HIPK2: variants seen among roughly 807,000 people sequenced by gnomAD.
HIPK2 encodes the protein homeodomain-interacting protein kinase 2.
A neutral mutation model predicts 113.7 loss-of-function variants in HIPK2; 27 were observed. The ratio of observed to expected loss-of-function variants is 0.24; its 90% confidence interval spans 0.17 to 0.33. HIPK2 has a LOEUF of 0.33. Among genes scored for constraint, HIPK2 ranks in the 10% least tolerant of loss-of-function variants. HIPK2 has a pLI of 1.00. For missense variants in HIPK2, 1,257 were observed against 1,588.0 expected (o/e 0.79, Z 3.54); for synonymous variants, 631 against 642.2 (o/e 0.98, Z 0.26).
rs369338814 is a variant in HIPK2 at position 139,685,818 on chromosome 7, TG to T, written c.1103+30113del. On this transcript the variant is annotated intron_variant, in intron 2 of 14. Coordinates refer to ENST00000406875, the MANE Select transcript of HIPK2 (RefSeq NM_022740.5). Reference sequence around the variant, plus strand: ...AAAAAGATTTCTTTCAAGATATGACTGCTCATTGACAATGTACCTAGTCACC... The same window carrying T: ...AAAAAGATTTCTTTCAAGATATGACTCTCATTGACAATGTACCTAGTCACC... Among the ~76,000 whole-genome samples, 333 of 152,362 alleles carry T rather than the reference TG, an allele frequency of 2.2e-3. 4 individuals carry two copies. The highest frequency in any genetic ancestry group is 7.6e-3 in the African/African-American group (316 of 41,580).
chr7:139,725,928 C>T (rs537483703), intron 1 of HIPK2, among the ~76,000 whole-genome samples: 14 of 152,316 alleles, frequency 9.2e-5, no homozygotes, highest in African/African-American at 3.1e-4. Context: ...TCTCAGACTA[C>T]AATCACCAAA....
intron 13 of HIPK2, among the ~76,000 whole-genome samples, chr7:139,582,221 T>G (rs987916543): frequency 9.2e-5 from 14 of 152,234 alleles, no homozygotes; most frequent in Admixed American, 9.2e-4. Flanking sequence ...TGCCTAATTT[T>G]GGGAGGGCTC....
chr7:139,660,865 G>A (rs1801843775), intron 2 of HIPK2, among the ~76,000 whole-genome samples: 1 of 152,322 alleles, frequency 6.6e-6, no homozygotes, highest in Admixed American at 6.5e-5. Context: ...GAGATAGGAA[G>A]TGGTATGAGC....
intron 6 of HIPK2, among the ~76,000 whole-genome samples, chr7:139,624,674 C>T (rs1800363285): frequency 6.6e-6 from 1 of 152,218 alleles, no homozygotes; most frequent in Non-Finnish European, 1.5e-5. Flanking sequence ...CCCCTCCCAT[C>T]TTCACTTCCT....
chr7:139,738,478 G>A (rs941441399), intron 1 of HIPK2, among the ~76,000 whole-genome samples: 2 of 152,226 alleles, frequency 1.3e-5, no homozygotes, highest in African/African-American at 4.8e-5. Context: ...AATTTAAATA[G>A]CTACTTGTGG....
Position 139,716,339 on chromosome 7 carries a change from G to T in HIPK2, c.696C>A (p.Asn232Lys). Residue 232 changes from asparagine (N) to lysine (K), a missense_variant, in exon 2 of 15, where the codon AAC becomes AAA. This residue lies in a region of HIPK2 where 78 missense variants were observed against 145.7 expected (regional missense o/e 0.54). Coordinates refer to ENST00000406875, the MANE Select transcript of HIPK2 (RefSeq NM_022740.5). The surrounding 1 kb of genome is among the most constrained non-coding windows in gnomAD (Gnocchi z 9.3). The part of the protein sequence containing the change: ...NEIVAIKILK[N>K]HPSYARQGQI... The stretch of plus-strand genomic sequence containing the variant: ...GACCTTGTCGGGCATAGGATGGGTG[G>T]TTCTTCAGGATCTTGATGGCTACGA... 2 of 1,614,176 alleles carry T rather than the reference G, an allele frequency of 1.2e-6. No homozygotes were observed.
chr7:139,581,125 C>A (rs927644973), intron 13 of HIPK2, among the ~76,000 whole-genome samples: 2 of 152,184 alleles, frequency 1.3e-5, no homozygotes, highest in African/African-American at 4.8e-5. Context: ...GAGGCTGAGA[C>A]AGCAGAATTG....
At chr7:139,600,328 G>C (rs1404614486) in intron 11 of HIPK2, 89 bp downstream of exon 11, 58 of 1,421,544 alleles carry the variant, frequency 4.1e-5, no homozygotes, top group Non-Finnish European at 5.3e-5. Flanking sequence ...CCCATGTTCA[G>C]AGTGGGTGCT....
At chr7:139,576,799 T>G (rs1798507646) in intron 13 of HIPK2, among the ~76,000 whole-genome samples, 3 of 152,226 alleles carry the variant, frequency 2.0e-5, no homozygotes, top group Admixed American at 2.0e-4. Flanking sequence ...GGACAGGGCA[T>G]GAGTGTCCAG....
In HIPK2 at chr7:139,600,570, T is replaced by C; in HGVS notation, c.2282A>G (p.Tyr761Cys). The stretch of plus-strand genomic sequence containing the variant: ...TGCAGGCTGCTGCATGATGGGATTA[T>C]AATGGCTTCCGTGAGCATGCGTATT... ...WRNTHAHGSH[Y>C]NPIMQQPALL... is the part of the protein sequence containing the mutation. Residue 761 changes from tyrosine to cysteine, a missense_variant, in exon 11 of 15, where the codon TAT becomes TGT. Tyr to Cys is a radical substitution (Grantham distance 194). This residue lies in a region of HIPK2 where 862 missense variants were observed against 1,004.3 expected (regional missense o/e 0.86). Coordinates refer to ENST00000406875, the MANE Select transcript of HIPK2 (RefSeq NM_022740.5). The C allele has an allele frequency of 6.2e-7, 1 of 1,613,996 alleles. No individual in the cohort carries two copies. The highest frequency in any genetic ancestry group is 8.5e-7 in the Non-Finnish European group (1 of 1,179,860).
intron 2 of HIPK2, among the ~76,000 whole-genome samples, chr7:139,665,343 G>A (rs1469137696): frequency 2.0e-5 from 3 of 152,080 alleles, no homozygotes; most frequent in Non-Finnish European, 2.9e-5. Context: ...CCAGAAGGGC[G>A]GACCTGAAAC....
At chr7:139,721,845 T>C (rs1365806247) in intron 1 of HIPK2, among the ~76,000 whole-genome samples, 1 of 151,880 alleles carries the variant, frequency 6.6e-6, no homozygotes, top group East Asian at 1.9e-4. Context: ...AAATCTGCCA[T>C]AACCACACCT....
At chr7:139,742,053 A>G (rs898147126) in intron 1 of HIPK2, among the ~76,000 whole-genome samples, 1 of 152,200 alleles carries the variant, frequency 6.6e-6, no homozygotes, top group Non-Finnish European at 1.5e-5. Flanking sequence ...ATTCAAACAC[A>G]TGTCAGTATG....
intron 9 of HIPK2, among the ~76,000 whole-genome samples, chr7:139,607,520 G>T (rs1799661300): frequency 6.6e-6 from 1 of 152,104 alleles, no homozygotes; most frequent in African/African-American, 2.4e-5. Flanking sequence ...ACCTTTTATA[G>T]CTCTGGAAGG....
chr7:139,647,717 G>C (rs979830091), intron 2 of HIPK2, among the ~76,000 whole-genome samples: 2 of 152,122 alleles, frequency 1.3e-5, no homozygotes, highest in Admixed American at 6.5e-5. Flanking sequence ...TAGGGAGGAG[G>C]CAGCTAGGGA....
At chr7:139,626,528 A>G (rs1214127698) in intron 6 of HIPK2, 73 bp downstream of exon 6, 28 of 1,517,478 alleles carry the variant, frequency 1.8e-5, no homozygotes, top group Non-Finnish European at 2.3e-5. Context: ...TGGCCGCAAA[A>G]CCTAAAATAT....
chr7:139,754,550 T>G (rs1796334469), intron 1 of HIPK2, among the ~76,000 whole-genome samples: 1 of 152,232 alleles, frequency 6.6e-6, no homozygotes, highest in South Asian at 2.1e-4. Flanking sequence ...AAAAGCTAAG[T>G]GTGTGAGAGA....
chr7:139,691,747 A>G (rs1359683448), intron 2 of HIPK2, among the ~76,000 whole-genome samples: 1 of 152,274 alleles, frequency 6.6e-6, no homozygotes, highest in Non-Finnish European at 1.5e-5. Flanking sequence ...GTCCAGGGAC[A>G]GGGCAGATTC....
chr7:139,769,462 A>C (rs1210655780), intron 1 of HIPK2, among the ~76,000 whole-genome samples: 1 of 152,234 alleles, frequency 6.6e-6, no homozygotes, highest in African/African-American at 2.4e-5. Flanking sequence ...ATGTCACTTG[A>C]ATTAGAACCC....
Sources: allele counts gnomAD v4.1 joint callset (sites outside exome capture counted in the v4.1 genomes callset), GRCh38; gene constraint gnomAD v4.1.1; regional missense constraint gnomAD v4.1.1; non-coding constraint Gnocchi (gnomAD v3.1); transcripts MANE v1.5; gene names NCBI Gene and HGNC (gene_info 2026-07-23, HGNC 2026-07-21).